NPLOC4: variants seen among roughly 807,000 people sequenced by gnomAD.
NPLOC4 encodes the protein NPL4 homolog, ubiquitin recognition factor.
NPLOC4 carries 18 observed loss-of-function variants against 80.6 expected under a neutral mutation model. The ratio of observed to expected loss-of-function variants is 0.22; its 90% CI spans 0.15 to 0.33. The LOEUF (loss-of-function observed/expected upper bound fraction) is 0.33. Among genes scored for constraint, NPLOC4 ranks in the 10% least tolerant of loss-of-function variants. The probability of loss-of-function intolerance (pLI) is 1.00; values close to 1 mark genes in which losing one functional copy is unlikely to be tolerated. For synonymous variants in NPLOC4, 313 were observed against 301.5 expected (o/e 1.04, Z -0.39); for missense variants, 540 against 786.1 (o/e 0.69, Z 3.74).
intron 9 of NPLOC4, among the ~76,000 whole-genome samples, chr17:81,597,670 C>A (rs1481196987): frequency 6.6e-6 from 1 of 151,850 alleles, no homozygotes. Context: ...GTAATCCCAG[C>A]TACTCAGGAG....
chr17:81,603,849 C>T lies in NPLOC4; in HGVS notation c.834+699G>A, dbSNP rs548502081. On this transcript the variant is annotated intron_variant, in intron 8 of 16. Coordinates refer to ENST00000331134, the MANE Select transcript of NPLOC4 (RefSeq NM_017921.4). Reference sequence around the variant, plus strand: ...CATTCAATATTTGCTTACTTTTTTACTTTTGCAATAAAATGTATGTAAAAT... The same window carrying T: ...CATTCAATATTTGCTTACTTTTTTATTTTTGCAATAAAATGTATGTAAAAT... Among the ~76,000 whole-genome samples the T allele has an allele frequency of 2.0e-5, 3 of 152,224 alleles. No individual in the cohort carries two copies. The South Asian group carries it at 6.2e-4, about 32-fold the overall frequency.
At chr17:81,605,318 A>T in intron 7 of NPLOC4, among the ~76,000 whole-genome samples, 1 of 150,882 alleles carries the variant, frequency 6.6e-6, no homozygotes, top group East Asian at 2.0e-4. Context: ...ATAATCTGCT[A>T]TTCTATTTAA....
chr17:81,630,193 AAAG>A (rs1436803838), intron 1 of NPLOC4, among the ~76,000 whole-genome samples: 2 of 152,146 alleles, frequency 1.3e-5, no homozygotes, highest in Non-Finnish European at 2.9e-5. Flanking sequence ...AAAAAAAAAA[AAAG>A]ATGTTACTTT....
At chr17:81,607,511 G>C (rs2035239104) in intron 6 of NPLOC4, among the ~76,000 whole-genome samples, 2 of 152,118 alleles carry the variant, frequency 1.3e-5, no homozygotes, top group Admixed American at 1.3e-4. Context: ...CCACACTGTG[G>C]AACGGCTAAA....
At chr17:81,566,140 T>C (rs1303013629) in intron 15 of NPLOC4, among the ~76,000 whole-genome samples, 1 of 152,172 alleles carries the variant, frequency 6.6e-6, no homozygotes, top group Non-Finnish European at 1.5e-5. Flanking sequence ...GAGACCAGCC[T>C]GGCAAACGTG....
At chr17:81,574,160 C>T (rs1322659461) in intron 12 of NPLOC4, among the ~76,000 whole-genome samples, 2 of 152,268 alleles carry the variant, frequency 1.3e-5, no homozygotes, top group African/African-American at 4.8e-5. Flanking sequence ...ACAACTCACA[C>T]ATAATTAGCC....
chr17:81,610,554 G>A (rs1048664262), intron 4 of NPLOC4, among the ~76,000 whole-genome samples: 1 of 152,104 alleles, frequency 6.6e-6, no homozygotes, highest in Non-Finnish European at 1.5e-5. Flanking sequence ...GGGACTCCAG[G>A]TGTACACCAC....
chr17:81,588,843 C>T, intron 12 of NPLOC4, 101 bp downstream of exon 12: 1 of 1,017,860 alleles, frequency 9.8e-7, no homozygotes, highest in African/African-American at 1.6e-5. Flanking sequence ...CCACAGCTGA[C>T]AAACGGCTGC....
At position 81,559,039 on chromosome 17, in the gene NPLOC4, G is replaced by C; in HGVS notation, c.*220C>G. On this transcript the variant is annotated 3_prime_UTR_variant, in exon 17 of 17. Coordinates refer to ENST00000331134, the MANE Select transcript of NPLOC4 (RefSeq NM_017921.4). ...AGGAGCCGCTCTGCGTTTCCAGTCT[G>C]GAGACTGCATTCAGCCTGCAGAATA... 1.8e-6 allele frequency: 1 copy of C among 559,790 alleles called. No individual in the cohort carries two copies. Among genetic ancestry groups the C allele is most frequent in the Non-Finnish European group, 3.2e-6 (1 of 316,770 alleles). 34.7% of individuals were successfully genotyped at this position (559,790 alleles called of 1,614,324 possible). A position where few individuals can be genotyped will look rare whatever the true frequency, so the allele number is the denominator to read the frequency against.
chr17:81,632,991 G>A (rs547256350), intron 1 of NPLOC4, among the ~76,000 whole-genome samples: 59 of 152,074 alleles, frequency 3.9e-4, no homozygotes, highest in African/African-American at 1.3e-3. Context: ...TTAGCCAGGC[G>A]TGGTGGAGGG....
At position 81,558,926 on chromosome 17, in the gene NPLOC4, C is replaced by T. The variant is rs1032338319; in HGVS notation, c.*333G>A. 6 of 225,990 alleles carry T rather than the reference C, an allele frequency of 2.7e-5. No individual in the cohort carries two copies. The highest frequency in any genetic ancestry group is 1.9e-4 in the East Asian group (2 of 10,640). The allele number at this position is 225,990 out of a possible 1,614,324, so 14.0% of individuals were successfully genotyped here. On this transcript the variant is annotated 3_prime_UTR_variant, in exon 17 of 17. Coordinates refer to ENST00000331134, the MANE Select transcript of NPLOC4 (RefSeq NM_017921.4). Reference sequence around the variant, plus strand: ...AGGCTGGGTGGTGGCAGCATCGGCCCCTCCCTGTGCGCCCCAATTCCAGGT... The same window carrying T: ...AGGCTGGGTGGTGGCAGCATCGGCCTCTCCCTGTGCGCCCCAATTCCAGGT...
chr17:81,627,240 A>C (rs2035819163), intron 2 of NPLOC4, among the ~76,000 whole-genome samples: 2 of 148,538 alleles, frequency 1.3e-5, no homozygotes, highest in African/African-American at 5.0e-5. Context: ...AACACAAAAA[A>C]CATTAGCCGG....
At chr17:81,596,527 T>C (rs749081848) in intron 10 of NPLOC4, among the ~76,000 whole-genome samples, 5 of 152,134 alleles carry the variant, frequency 3.3e-5, no homozygotes, top group South Asian at 2.1e-4. Context: ...GATTGTGCCA[T>C]TGCACTCCAA....
chr17:81,624,847 G>A (rs576259252), intron 2 of NPLOC4, among the ~76,000 whole-genome samples: 1 of 152,196 alleles, frequency 6.6e-6, no homozygotes, highest in Non-Finnish European at 1.5e-5. Context: ...AAGACCAGGA[G>A]GCAGGAAGGG....
At chr17:81,594,090 G>C in intron 11 of NPLOC4, among the ~76,000 whole-genome samples, 1 of 151,600 alleles carries the variant, frequency 6.6e-6, no homozygotes, top group East Asian at 1.9e-4. Context: ...TGGCTAACAC[G>C]GTGAAACCCC....
Position 81,610,262 on chromosome 17 carries a change from AG to A in NPLOC4, c.387-5del. ...CCCCAAAGGGCCGTGGCGGCATCTG[AG>A]GAGAGTACAAGGCAGAAAAAGGCAG... On this transcript the variant is annotated splice_polypyrimidine_tract_variant and splice_region_variant and intron_variant, in intron 4 of 16. Transcript: ENST00000331134. 6.4e-7 allele frequency: 1 copy of A among 1,569,438 alleles called. No homozygotes were observed. Among genetic ancestry groups the A allele is most frequent in the Non-Finnish European group, 8.6e-7 (1 of 1,157,586 alleles).
At chr17:81,594,303 A>T (rs1190665579) in intron 11 of NPLOC4, among the ~76,000 whole-genome samples, 1 of 142,918 alleles carries the variant, frequency 7.0e-6, no homozygotes, top group Non-Finnish European at 1.5e-5. Flanking sequence ...AAAAAAAAAA[A>T]ACTGACTCAA....
intron 2 of NPLOC4, among the ~76,000 whole-genome samples, chr17:81,628,212 TAAAAAAAAAAAG>T (rs869093472): frequency 3.9e-5 from 4 of 101,574 alleles, no homozygotes; most frequent in Admixed American, 1.1e-4. Flanking sequence ...CTCCCTCTCA[TAAAAAAAAAAAG>T]AAAAAAAAAA....
chr17:81,564,666 T>C (rs1203630115), intron 16 of NPLOC4: 2 of 151,760 alleles, frequency 1.3e-5, no homozygotes, highest in Non-Finnish European at 2.9e-5. Context: ...CACATGCCTG[T>C]AGTCCCAGCT....
Sources: allele counts gnomAD v4.1 joint callset (sites outside exome capture counted in the v4.1 genomes callset), GRCh38; gene constraint gnomAD v4.1.1; transcripts MANE v1.5; gene names NCBI Gene and HGNC (gene_info 2026-07-23, HGNC 2026-07-21).